DDR2: variants seen among roughly 807,000 people sequenced by gnomAD.
The protein encoded by DDR2 is discoidin domain-containing receptor 2.
Under a neutral mutation model 94.9 loss-of-function variants are expected in DDR2, and 27 were observed. The observed-to-expected ratio is 0.28, with a 90% CI of 0.21 to 0.39. DDR2 has a LOEUF of 0.39. DDR2 is among the 10% of genes least tolerant of loss of function. DDR2 has a pLI of 1.00. For missense variants in DDR2, 783 were observed against 1,076.0 expected (o/e 0.73, Z 3.81); for synonymous variants, 382 against 377.2 (o/e 1.01, Z -0.15).
intron 3 of DDR2, among the ~76,000 whole-genome samples, chr1:162,722,738 T>G (rs1661477779): frequency 6.6e-6 from 1 of 152,232 alleles, no homozygotes; most frequent in South Asian, 2.1e-4. Flanking sequence ...AGGGAGTTGT[T>G]ACGTGTCTCT....
At chr1:162,771,409 T>C (rs1242173135) in intron 12 of DDR2, among the ~76,000 whole-genome samples, 1 of 152,198 alleles carries the variant, frequency 6.6e-6, no homozygotes, top group Non-Finnish European at 1.5e-5. Flanking sequence ...AAAAGGAAAC[T>C]TGCATCTATT....
At chr1:162,749,279 G>T (rs529284567) in intron 3 of DDR2, among the ~76,000 whole-genome samples, 2 of 151,938 alleles carry the variant, frequency 1.3e-5, no homozygotes, top group African/African-American at 2.4e-5. Context: ...AAAGAAGAAA[G>T]GAGAGAAGAA....
rs1490898910 is a variant in DDR2, at chr1:162,773,411, A to G, written c.1729-58A>G. On this transcript the variant is annotated intron_variant, in intron 13 of 17. Coordinates refer to ENST00000367921, the MANE Select transcript of DDR2 (RefSeq NM_006182.4). ...TTATCTCCAGGAAATGCCCAGCAAGAGTACTGAGACATCTTCAGGAGAAAT... is the reference window on the plus strand; with the variant it reads ...TTATCTCCAGGAAATGCCCAGCAAGGGTACTGAGACATCTTCAGGAGAAAT... The G allele has an allele frequency of 1.9e-6, 3 of 1,607,700 alleles. No individual in the cohort carries two copies. In the African/African-American group the frequency reaches 4.0e-5, roughly 22 times the overall value.
intron 1 of DDR2, among the ~76,000 whole-genome samples, chr1:162,651,257 C>G (rs1018020855): frequency 1.3e-5 from 2 of 152,180 alleles, no homozygotes; most frequent in Non-Finnish European, 2.9e-5. Flanking sequence ...CGTTTTCCCA[C>G]CTCAATCATC....
chr1:162,694,962 G>T (rs1256889262), intron 2 of DDR2, among the ~76,000 whole-genome samples: 1 of 152,034 alleles, frequency 6.6e-6, no homozygotes, highest in African/African-American at 2.4e-5. Context: ...TTTGTTCAGA[G>T]AATTTTGAAT....
intron 7 of DDR2, among the ~76,000 whole-genome samples, chr1:162,758,307 A>T (rs1663556821): frequency 6.6e-6 from 1 of 152,236 alleles, no homozygotes; most frequent in Non-Finnish European, 1.5e-5. Context: ...CTCAGGAAAT[A>T]GTCATATTAG....
At chr1:162,779,986 T>G (rs1647805131) in intron 17 of DDR2, 126 bp from the exon 18 acceptor site, 4 of 1,393,024 alleles carry the variant, frequency 2.9e-6, no homozygotes. Flanking sequence ...CCATTTCAGT[T>G]ATCAAGTTCA....
intron 2 of DDR2, among the ~76,000 whole-genome samples, chr1:162,694,168 T>C (rs887564207): frequency 6.6e-6 from 1 of 152,120 alleles, no homozygotes; most frequent in African/African-American, 2.4e-5. Flanking sequence ...TGCCTTCCCG[T>C]TTCCATTTTT....
intron 2 of DDR2, among the ~76,000 whole-genome samples, chr1:162,698,597 G>A (rs1431021871): frequency 6.6e-6 from 1 of 152,180 alleles, no homozygotes; most frequent in African/African-American, 2.4e-5. Context: ...ACTATGATTA[G>A]GGTTGTGCTA....
intron 2 of DDR2, among the ~76,000 whole-genome samples, chr1:162,687,009 G>A (rs1171845381): frequency 6.6e-6 from 1 of 152,236 alleles, no homozygotes; most frequent in Non-Finnish European, 1.5e-5. Flanking sequence ...CACACAAGGT[G>A]AAGGTTTTGG....
chr1:162,725,450 C>T (rs553302112), intron 3 of DDR2, among the ~76,000 whole-genome samples: 1 of 152,306 alleles, frequency 6.6e-6, no homozygotes, highest in South Asian at 2.1e-4. Context: ...ATGAACATGA[C>T]TCACTGCAGC....
intron 1 of DDR2, among the ~76,000 whole-genome samples, chr1:162,637,227 G>A (rs575868632): frequency 6.6e-6 from 1 of 152,212 alleles, no homozygotes; most frequent in African/African-American, 2.4e-5. Flanking sequence ...GAATTTGACT[G>A]TGTGAAACTT....
chr1:162,724,526 G>C (rs1391710085), intron 3 of DDR2, among the ~76,000 whole-genome samples: 1 of 152,124 alleles, frequency 6.6e-6, no homozygotes, highest in Admixed American at 6.5e-5. Context: ...TTCTGCACCA[G>C]GTTGTGCCTT....
intron 3 of DDR2, among the ~76,000 whole-genome samples, chr1:162,744,900 A>AT (rs1213290914): frequency 6.6e-6 from 1 of 152,150 alleles, no homozygotes; most frequent in Non-Finnish European, 1.5e-5. Context: ...TGGTAGTCCT[A>AT]TTTTTAATTT....
intron 11 of DDR2, 58 bp from the exon 12 acceptor site, chr1:162,770,244 G>C: frequency 1.3e-6 from 2 of 1,507,472 alleles, no homozygotes; most frequent in South Asian, 1.1e-5. Flanking sequence ...TTAAGAAGAG[G>C]AGGCATTGAC....
intron 2 of DDR2, among the ~76,000 whole-genome samples, chr1:162,716,629 C>T (rs557681122): frequency 1.3e-5 from 2 of 152,210 alleles, no homozygotes; most frequent in African/African-American, 4.8e-5. Flanking sequence ...CAGCCCCTCA[C>T]TATGGGGCCA....
At chr1:162,692,599 A>G (rs746363503) in intron 2 of DDR2, among the ~76,000 whole-genome samples, 1 of 152,256 alleles carries the variant, frequency 6.6e-6, no homozygotes, top group Non-Finnish European at 1.5e-5. Context: ...TGATGCCACT[A>G]CATACCCACT....
At chr1:162,652,436 C>G (rs552636687) in intron 1 of DDR2, among the ~76,000 whole-genome samples, 2 of 152,290 alleles carry the variant, frequency 1.3e-5, no homozygotes, top group South Asian at 4.1e-4. Context: ...ACGACAGACA[C>G]TCCAGGAAAT....
intron 1 of DDR2, among the ~76,000 whole-genome samples, chr1:162,633,540 C>A (rs1385698666): frequency 6.6e-6 from 1 of 152,230 alleles, no homozygotes; most frequent in Non-Finnish European, 1.5e-5. Context: ...AGGGGACCGA[C>A]CTGTTCAAGT....
Sources: gnomAD v4.1 joint callset for allele counts (sites outside exome capture counted in the v4.1 genomes callset) on GRCh38, gnomAD v4.1.1 for gene constraint, MANE v1.5 for transcripts, NCBI Gene and HGNC (gene_info 2026-07-23, HGNC 2026-07-21) for gene names.